Variants in CEP85 observed in about 807,000 individuals in gnomAD.
The protein encoded by CEP85 is centrosomal protein 85.
A neutral mutation model predicts 93.7 loss-of-function variants in CEP85; 58 were observed. The ratio of observed to expected loss-of-function variants is 0.62; its 90% CI spans 0.50 to 0.77. CEP85 has a LOEUF of 0.77. Among genes scored for constraint, CEP85 ranks in the 30% least tolerant of loss-of-function variants. CEP85 has a pLI of 0.00. For missense variants in CEP85, 868 were observed against 922.0 expected, an observed-to-expected ratio of 0.94 and a Z score of 0.76; for synonymous variants, 314 against 338.6, an observed-to-expected ratio of 0.93 and a Z score of 0.80.
chr1:26,265,077 G>A (rs374274263), intron 7 of CEP85, among the ~76,000 whole-genome samples: 2 of 147,866 alleles, frequency 1.4e-5, no homozygotes, highest in African/African-American at 5.0e-5. Flanking sequence ...TCCATCTCCC[G>A]GGTTCAAGCG....
intron 1 of CEP85, among the ~76,000 whole-genome samples, chr1:26,236,915 G>A (rs1385208318): frequency 6.6e-6 from 1 of 152,190 alleles, no homozygotes; most frequent in Non-Finnish European, 1.5e-5. Flanking sequence ...CAATAGAAAG[G>A]AATGTCTGGG....
chr1:26,255,758 G>A lies in CEP85; in HGVS notation c.796G>A (p.Val266Met). The A allele has an allele frequency of 1.2e-6, 2 of 1,614,184 alleles. No individual in the cohort carries two copies. Among genetic ancestry groups the A allele is most frequent in the South Asian group, 1.1e-5 (1 of 91,068 alleles). The change falls in exon 4 of 14, where the codon GTG becomes ATG. Residue 266 changes from valine (V) to methionine (M), a missense_variant. Val to Met is a conservative substitution (Grantham distance 21). Coordinates refer to ENST00000451429, the MANE Select transcript of CEP85 (RefSeq NM_001319944.2). ...PGLSKPLPSQ[V>M]WQPSPDTWHP... ...GCTCTCCAAGCCTCTGCCCTCTCAG[G>A]TGTGGCAGCCGAGTCCTGACACTTG...
Position 26,276,711 on chromosome 1 carries a change from G to C in CEP85, c.2079G>C (p.Gln693His), listed in dbSNP as rs373493017. The change falls in exon 13 of 14, where the codon CAG becomes CAC. Residue 693 changes from glutamine (Q) to histidine (H), a missense_variant. By Grantham distance (24) the Gln-to-His change is conservative. Coordinates refer to ENST00000451429, the MANE Select transcript of CEP85 (RefSeq NM_001319944.2). ...DLQAVCSIVT[Q>H]RAQGHDPNLS... ...AGGCTGTCTGTAGCATTGTGACCCA[G>C]AGGGCCCAGGGCCATGACCCCAATC... The C allele has an allele frequency of 6.8e-6, 11 of 1,614,072 alleles. No individual in the cohort carries two copies. The highest frequency in any genetic ancestry group is 1.7e-5 in the Admixed American group (1 of 60,004).
At chr1:26,248,876 G>C (rs910972267) in intron 3 of CEP85, among the ~76,000 whole-genome samples, 1 of 151,336 alleles carries the variant, frequency 6.6e-6, no homozygotes, top group Admixed American at 6.6e-5. Flanking sequence ...ACAGGCACCC[G>C]CCACTACGCC....
At chr1:26,254,220 T>C (rs2089661485) in intron 3 of CEP85, among the ~76,000 whole-genome samples, 4 of 152,170 alleles carry the variant, frequency 2.6e-5, no homozygotes, top group African/African-American at 7.2e-5. Context: ...CTTATTTCCT[T>C]ATTCAGTTTT....
chr1:26,258,142 G>A lies in CEP85; in HGVS notation c.1038-1G>A, dbSNP rs1292019091. On this transcript the variant is annotated splice_acceptor_variant, in intron 5 of 13. Transcript: ENST00000451429. LOFTEE classifies it high-confidence loss of function. ...TGACCTGATTCTACCGGCTTGTGCA[G>A]GCAGAGGAAACACATCTCTCAGCTG... 19 of 1,612,434 alleles carry A rather than the reference G, an allele frequency of 1.2e-5. No individual in the cohort carries two copies. The highest frequency in any genetic ancestry group is 1.5e-5 in the Non-Finnish European group (18 of 1,178,642).
intron 3 of CEP85, among the ~76,000 whole-genome samples, chr1:26,251,654 C>G (rs2089617797): frequency 6.6e-6 from 1 of 152,168 alleles, no homozygotes; most frequent in Admixed American, 6.5e-5. Context: ...CTTAGAGGCC[C>G]CCACCTCTTA....
chr1:26,276,085 G>A (rs1193612092), intron 12 of CEP85, among the ~76,000 whole-genome samples: 1 of 152,206 alleles, frequency 6.6e-6, no homozygotes, highest in African/African-American at 2.4e-5. Flanking sequence ...CTGACACACT[G>A]TGATCAGGCT....
In CEP85 at chr1:26,263,726, C is replaced by G. The variant is rs151205723; in HGVS notation, c.1341+3924C>G. 3.9e-3 allele frequency among the ~76,000 whole-genome samples: 587 copies of G among 152,110 alleles called. 2 individuals are homozygous for G. Among genetic ancestry groups the G allele is most frequent in the African/African-American group, 0.012 (515 of 41,504 alleles). ...CAGTAGTTCTGTGCCCCAGCACAAC[C>G]CCACAATTGTGTATCTATCTTGAGC... On this transcript the variant is annotated intron_variant, in intron 7 of 13. Coordinates refer to ENST00000451429, the MANE Select transcript of CEP85 (RefSeq NM_001319944.2).
intron 3 of CEP85, among the ~76,000 whole-genome samples, chr1:26,248,657 G>A (rs960247126): frequency 6.8e-5 from 10 of 146,230 alleles, no homozygotes; most frequent in Admixed American, 4.8e-4. Flanking sequence ...CACCATGCCT[G>A]GCTAATTTTT....
At chr1:26,254,593 A>G (rs1312795998) in intron 3 of CEP85, 3 of 154,164 alleles carry the variant, frequency 1.9e-5, no homozygotes, top group Non-Finnish European at 4.3e-5. Flanking sequence ...GGTTTGGGGT[A>G]TGGGAGAGAG....
At chr1:26,256,429 G>T (rs951439645) in intron 4 of CEP85, among the ~76,000 whole-genome samples, 1 of 151,844 alleles carries the variant, frequency 6.6e-6, no homozygotes, top group Non-Finnish European at 1.5e-5. Flanking sequence ...TACTCAGGAG[G>T]CTGTGGCAGG....
intron 2 of CEP85, among the ~76,000 whole-genome samples, chr1:26,242,142 CTT>C (rs2089438411): frequency 6.6e-6 from 1 of 152,074 alleles, no homozygotes; most frequent in Non-Finnish European, 1.5e-5. Context: ...ACAAATAACT[CTT>C]TGGAATTAGG....
At chr1:26,242,052 G>A (rs1041277556) in intron 2 of CEP85, among the ~76,000 whole-genome samples, 13 of 151,784 alleles carry the variant, frequency 8.6e-5, no homozygotes, top group African/African-American at 2.9e-4. Flanking sequence ...ATGAGCCACT[G>A]CACCCGGCCA....
intron 8 of CEP85, chr1:26,269,256 G>T (rs778820921): frequency 1.8e-4 from 105 of 571,682 alleles, no homozygotes; most frequent in Non-Finnish European, 2.9e-4. Flanking sequence ...TCAGAAATAA[G>T]AACTCCTTCC....
intron 1 of CEP85, among the ~76,000 whole-genome samples, chr1:26,235,970 A>G (rs2089321196): frequency 6.6e-6 from 1 of 152,252 alleles, no homozygotes; most frequent in Non-Finnish European, 1.5e-5. Flanking sequence ...GTGATGACCA[A>G]GGACAAAGTG....
chr1:26,272,118 A>C, intron 11 of CEP85, 47 bp downstream of exon 11: 7 of 1,571,040 alleles, frequency 4.5e-6, no homozygotes, highest in Non-Finnish European at 6.1e-6. Context: ...TAATGATGGA[A>C]TCTCTAGAAT....
intron 7 of CEP85, among the ~76,000 whole-genome samples, chr1:26,261,910 C>T (rs899906376): frequency 2.6e-5 from 4 of 152,098 alleles, no homozygotes; most frequent in African/African-American, 9.7e-5. Context: ...GTGGCTCACA[C>T]CTGTAATCCC....
chr1:26,271,975 C>T (rs767280929), intron 10 of CEP85, 46 bp from the exon 11 acceptor site: 56 of 1,594,948 alleles, frequency 3.5e-5, no homozygotes, highest in Admixed American at 6.7e-5. Context: ...CTGTCCTCAC[C>T]GTCAGCCTTG....
Sources: allele counts gnomAD v4.1 joint callset (sites outside exome capture counted in the v4.1 genomes callset), GRCh38; gene constraint gnomAD v4.1.1; transcripts MANE v1.5; gene names NCBI Gene and HGNC (gene_info 2026-07-23, HGNC 2026-07-21).